Variants in SLC25A48 observed in about 807,000 individuals in gnomAD.
SLC25A48 encodes solute carrier family 25 member 48, also known as CTC-321K16.1.
In SLC25A48, 29 loss-of-function variants were observed where a neutral mutation model predicts 32.2. The ratio of observed to expected loss-of-function variants is 0.90; its 90% confidence interval spans 0.67 to 1.23. SLC25A48 has a LOEUF of 1.23. SLC25A48 is among the 50% of genes most tolerant of loss of function. The pLI is 0.00. For synonymous variants in SLC25A48, 164 were observed against 172.3 expected (o/e 0.95, Z 0.38); for missense variants, 399 against 422.7 (o/e 0.94, Z 0.49).
intron 3 of SLC25A48, among the ~76,000 whole-genome samples, chr5:135,701,508 A>C (rs116585597): frequency 0.02 from 3,016 of 152,110 alleles, 36 homozygotes; most frequent in Non-Finnish European, 0.033. Context: ...CACCCTGAAC[A>C]CTGAATTGCA....
At chr5:135,747,260 G>A (rs1406332822) in intron 3 of SLC25A48, among the ~76,000 whole-genome samples, 2 of 149,830 alleles carry the variant, frequency 1.3e-5, no homozygotes, top group African/African-American at 4.9e-5. Context: ...TTTCATATAT[G>A]ATATCTATAT....
intron 1 of SLC25A48, among the ~76,000 whole-genome samples, chr5:135,836,342 C>T (rs1758504871): frequency 1.5e-5 from 2 of 134,990 alleles, no homozygotes; most frequent in Non-Finnish European, 3.2e-5. Context: ...ACTTTTGCAC[C>T]AAACTAATAA....
At chr5:135,600,519 G>A (rs970776359) in intron 1 of SLC25A48, among the ~76,000 whole-genome samples, 1 of 151,966 alleles carries the variant, frequency 6.6e-6, no homozygotes, top group South Asian at 2.1e-4. Flanking sequence ...AACCTTCCTC[G>A]GGCTCCTACC....
Position 135,742,007 on chromosome 5 carries a change from C to A in SLC25A48, c.-520-70516C>A, listed in dbSNP as rs201463681. On this transcript the variant is annotated intron_variant, in intron 3 of 10. Coordinates refer to the SLC25A48 transcript ENST00000646290. ...TTTGACTACTGGGCATTTCTTTGTT[C>A]TCTGCAGGGATTGAGATTCCAAAGA... Among the ~76,000 whole-genome samples the A allele has an allele frequency of 7.2e-5, 11 of 152,278 alleles. No individual in the cohort carries two copies. The East Asian group carries it at 1.7e-3, about 24-fold the overall frequency.
intron 2 of SLC25A48, among the ~76,000 whole-genome samples, chr5:135,630,034 T>C (rs138044168): frequency 2.6e-5 from 4 of 152,278 alleles, no homozygotes; most frequent in African/African-American, 9.6e-5. Flanking sequence ...CAGTGGATGA[T>C]CCTCTTCACT....
chr5:135,814,748 C>A (rs1046542340), intron 4 of SLC25A48, among the ~76,000 whole-genome samples: 1 of 152,216 alleles, frequency 6.6e-6, no homozygotes, highest in African/African-American at 2.4e-5. Flanking sequence ...TATGCTTAAA[C>A]TGTTTCCTTG....
intron 3 of SLC25A48, among the ~76,000 whole-genome samples, chr5:135,696,130 C>G (rs1754261587): frequency 6.6e-6 from 1 of 152,218 alleles, no homozygotes; most frequent in South Asian, 2.1e-4. Flanking sequence ...CAGAAAGTGC[C>G]TGGCTCAAGC....
chr5:135,608,697 G>A (rs1395399245), intron 1 of SLC25A48, among the ~76,000 whole-genome samples: 1 of 152,242 alleles, frequency 6.6e-6, no homozygotes, highest in African/African-American at 2.4e-5. Context: ...ACTGATAGAA[G>A]TGGCTAGGCT....
At chr5:135,869,920 G>A (rs1028520173) in intron 4 of SLC25A48, among the ~76,000 whole-genome samples, 1 of 152,144 alleles carries the variant, frequency 6.6e-6, no homozygotes, top group African/African-American at 2.4e-5. Flanking sequence ...CTTCCCCACT[G>A]GAAGATGGAA....
At chr5:135,699,366 C>A (rs1349189387) in intron 3 of SLC25A48, among the ~76,000 whole-genome samples, 2 of 149,086 alleles carry the variant, frequency 1.3e-5, no homozygotes, top group Non-Finnish European at 3.0e-5. Flanking sequence ...CTAACACCTG[C>A]AACAATATGG....
chr5:135,616,384 G>C (rs1752193171), intron 1 of SLC25A48, among the ~76,000 whole-genome samples: 2 of 152,324 alleles, frequency 1.3e-5, no homozygotes, highest in South Asian at 4.1e-4. Flanking sequence ...GCTGCCCAAG[G>C]CCTTGGGAAA....
chr5:135,646,270 C>G (rs1467811963), intron 3 of SLC25A48, among the ~76,000 whole-genome samples: 1 of 152,040 alleles, frequency 6.6e-6, no homozygotes, highest in Non-Finnish European at 1.5e-5. Context: ...GCCGGCTTGG[C>G]TCTGGAGGGA....
intron 3 of SLC25A48, among the ~76,000 whole-genome samples, chr5:135,639,866 C>T (rs572132229): frequency 6.6e-6 from 1 of 152,196 alleles, no homozygotes; most frequent in South Asian, 2.1e-4. Context: ...ATTCAGATTC[C>T]CAAACAGTGG....
At chr5:135,604,231 A>G (rs998097080) in intron 1 of SLC25A48, among the ~76,000 whole-genome samples, 1 of 152,194 alleles carries the variant, frequency 6.6e-6, no homozygotes, top group African/African-American at 2.4e-5. Flanking sequence ...ACAGGTAGAT[A>G]ATTAACTGCA....
At chr5:135,624,052 C>T (rs1002410727) in intron 1 of SLC25A48, among the ~76,000 whole-genome samples, 4 of 152,054 alleles carry the variant, frequency 2.6e-5, no homozygotes, top group East Asian at 1.9e-4. Flanking sequence ...CGGGTGGGAG[C>T]GGGGGGTTGG....
intron 1 of SLC25A48, among the ~76,000 whole-genome samples, chr5:135,592,622 G>A (rs1199550918): frequency 1.3e-5 from 2 of 152,134 alleles, no homozygotes; most frequent in African/African-American, 2.4e-5. Context: ...AGGAAGGCAA[G>A]TCAGGAATGA....
At chr5:135,789,793 T>C (rs1450491560) in intron 3 of SLC25A48, among the ~76,000 whole-genome samples, 1 of 151,994 alleles carries the variant, frequency 6.6e-6, no homozygotes, top group Non-Finnish European at 1.5e-5. Context: ...GAGTAAAATC[T>C]CTGGGTGTAC....
At chr5:135,759,219 G>T (rs889016736) in intron 3 of SLC25A48, among the ~76,000 whole-genome samples, 1 of 152,052 alleles carries the variant, frequency 6.6e-6, no homozygotes, top group African/African-American at 2.4e-5. Flanking sequence ...TATGATATCT[G>T]TGTGTGTATA....
At chr5:135,756,370 A>G (rs761023564) in intron 3 of SLC25A48, among the ~76,000 whole-genome samples, 23 of 152,148 alleles carry the variant, frequency 1.5e-4, no homozygotes, top group Non-Finnish European at 2.6e-4. Flanking sequence ...TACAATACCT[A>G]GTGATAACAC....
Sources: gnomAD v4.1 joint callset for allele counts (sites outside exome capture counted in the v4.1 genomes callset) on GRCh38, gnomAD v4.1.1 for gene constraint, MANE v1.5 for transcripts, NCBI Gene and HGNC (gene_info 2026-07-23, HGNC 2026-07-21) for gene names.